EXOC6B: variants seen among roughly 807,000 people sequenced by gnomAD.
EXOC6B encodes SEC15 homolog B.
Under a neutral mutation model 113.5 loss-of-function variants are expected in EXOC6B, and 54 were observed. That is an observed-to-expected ratio of 0.48 (90% CI 0.38 to 0.60). The LOEUF is 0.60. EXOC6B is among the 20% of genes least tolerant of loss of function. The probability of loss-of-function intolerance (pLI) is 0.00; values close to 1 mark genes in which losing one functional copy is unlikely to be tolerated. For synonymous variants in EXOC6B, 357 were observed against 339.0 expected, an observed-to-expected ratio of 1.05 and a Z score of -0.58; for missense variants, 797 against 977.5, an observed-to-expected ratio of 0.82 and a Z score of 2.46.
intron 8 of EXOC6B, among the ~76,000 whole-genome samples, chr2:72,536,695 A>G (rs927031728): frequency 1.3e-5 from 2 of 152,228 alleles, no homozygotes; most frequent in African/African-American, 2.4e-5. Context: ...TTGTAGAAAT[A>G]TAAGAGAGCT....
chr2:72,784,418 G>A (rs186455081), intron 1 of EXOC6B, among the ~76,000 whole-genome samples: 2 of 152,232 alleles, frequency 1.3e-5, no homozygotes, highest in Admixed American at 1.3e-4. Context: ...CATTGAATCT[G>A]TAGATTGTTT....
intron 6 of EXOC6B, among the ~76,000 whole-genome samples, chr2:72,701,118 TG>T (rs1276991138): frequency 1.3e-5 from 2 of 151,700 alleles, no homozygotes; most frequent in Non-Finnish European, 2.9e-5. Flanking sequence ...CTGAGGAAGG[TG>T]GATCATGAGG....
rs1392712257 is a variant in EXOC6B at position 72,179,124 on chromosome 2, GA to G, written c.*210del. On this transcript the variant is annotated 3_prime_UTR_variant, in exon 22 of 22. Coordinates refer to ENST00000272427, the MANE Select transcript of EXOC6B (RefSeq NM_015189.3). Reference sequence around the variant, plus strand: ...AGATAGTGTAGTAATAACTTCCCCTGAGTCCCAGCCTAGCAACATCTCATGT... The same window carrying G: ...AGATAGTGTAGTAATAACTTCCCCTGGTCCCAGCCTAGCAACATCTCATGT... 1.9e-6 allele frequency: 1 copy of G among 536,454 alleles called. No individual in the cohort carries two copies. The highest frequency in any genetic ancestry group is 3.3e-5 in the East Asian group (1 of 30,522). The allele number at this position is 536,454 out of a possible 1,614,324, so 33.2% of individuals were successfully genotyped here. A position where few individuals can be genotyped will look rare whatever the true frequency, so the allele number is the denominator to read the frequency against.
intron 19 of EXOC6B, among the ~76,000 whole-genome samples, chr2:72,344,649 A>G (rs1393447001): frequency 6.6e-6 from 1 of 152,164 alleles, no homozygotes; most frequent in Non-Finnish European, 1.5e-5. Context: ...TGTCTATGGC[A>G]AGGATCAGCC....
At chr2:72,254,666 T>C (rs1683243021) in intron 20 of EXOC6B, among the ~76,000 whole-genome samples, 1 of 152,168 alleles carries the variant, frequency 6.6e-6, no homozygotes, top group Non-Finnish European at 1.5e-5. Context: ...CGGCAAGTGA[T>C]AGAAAAAGCC....
chr2:72,345,335 C>A (rs1439297900), intron 19 of EXOC6B, among the ~76,000 whole-genome samples: 1 of 152,078 alleles, frequency 6.6e-6, no homozygotes, highest in Non-Finnish European at 1.5e-5. Context: ...CTTGGTATTA[C>A]TCAAATGAGT....
At chr2:72,753,532 A>T (rs1356140639) in intron 1 of EXOC6B, among the ~76,000 whole-genome samples, 1 of 151,900 alleles carries the variant, frequency 6.6e-6, no homozygotes, top group Non-Finnish European at 1.5e-5. Context: ...TGTTTTTATC[A>T]CTTTCCCCTT....
intron 18 of EXOC6B, among the ~76,000 whole-genome samples, chr2:72,440,959 G>C (rs574174403): frequency 6.6e-6 from 1 of 152,202 alleles, no homozygotes; most frequent in East Asian, 1.9e-4. Context: ...CAATGGTAAA[G>C]AGTATATTTT....
intron 18 of EXOC6B, among the ~76,000 whole-genome samples, chr2:72,440,287 G>T (rs1454530113): frequency 6.6e-6 from 1 of 152,156 alleles, no homozygotes; most frequent in Admixed American, 6.5e-5. Flanking sequence ...AAATGTTAAG[G>T]ACAGTGAGAA....
intron 8 of EXOC6B, among the ~76,000 whole-genome samples, chr2:72,543,135 T>C (rs918569366): frequency 6.6e-6 from 1 of 151,852 alleles, no homozygotes; most frequent in Non-Finnish European, 1.5e-5. Flanking sequence ...GCACATGGAG[T>C]ATGGTGTATC....
chr2:72,286,508 AGAGGTGGAGTACAG>A (rs1685431341), intron 20 of EXOC6B, among the ~76,000 whole-genome samples: 1 of 152,212 alleles, frequency 6.6e-6, no homozygotes, highest in Admixed American at 6.5e-5. Flanking sequence ...AAGGGAATGA[AGAGGTGGAGTACAG>A]AGGATTTTAG....
intron 6 of EXOC6B, among the ~76,000 whole-genome samples, chr2:72,632,690 T>G (rs1019187687): frequency 2.6e-5 from 4 of 152,040 alleles, no homozygotes; most frequent in Admixed American, 1.3e-4. Flanking sequence ...TCTCTCAATT[T>G]TTTTTTATTT....
intron 13 of EXOC6B, among the ~76,000 whole-genome samples, chr2:72,498,190 A>G (rs1700134929): frequency 6.6e-6 from 1 of 152,222 alleles, no homozygotes; most frequent in Non-Finnish European, 1.5e-5. Context: ...TCTGATATTT[A>G]TCGAAGGAAA....
chr2:72,460,189 T>A (rs1032502803), intron 18 of EXOC6B, among the ~76,000 whole-genome samples: 3 of 152,046 alleles, frequency 2.0e-5, no homozygotes, highest in African/African-American at 7.2e-5. Flanking sequence ...TCCTTACACC[T>A]TATACAAAAA....
chr2:72,362,519 T>C (rs1690378281), intron 19 of EXOC6B, among the ~76,000 whole-genome samples: 1 of 152,164 alleles, frequency 6.6e-6, no homozygotes, highest in South Asian at 2.1e-4. Context: ...ATTTTATATA[T>C]ATTATCTCAT....
At chr2:72,491,117 G>A (rs1314933527) in intron 16 of EXOC6B, among the ~76,000 whole-genome samples, 1 of 152,096 alleles carries the variant, frequency 6.6e-6, no homozygotes, top group Non-Finnish European at 1.5e-5. Flanking sequence ...TATAAAGGAG[G>A]TTAGCTATTT....
intron 1 of EXOC6B, among the ~76,000 whole-genome samples, chr2:72,743,973 C>T (rs891591474): frequency 6.6e-6 from 1 of 152,102 alleles, no homozygotes; most frequent in Non-Finnish European, 1.5e-5. Context: ...GGTGGTCCCA[C>T]TGTATTATCT....
At chr2:72,528,360 T>A (rs1701836310) in intron 8 of EXOC6B, among the ~76,000 whole-genome samples, 1 of 152,086 alleles carries the variant, frequency 6.6e-6, no homozygotes, top group Admixed American at 6.6e-5. Flanking sequence ...TTTTTGTGAA[T>A]CTATTCCTGG....
chr2:72,574,760 C>G (rs1299665759), intron 7 of EXOC6B, among the ~76,000 whole-genome samples: 1 of 152,126 alleles, frequency 6.6e-6, no homozygotes, highest in Non-Finnish European at 1.5e-5. Flanking sequence ...AAACACCACA[C>G]TCACAAAGAG....
Sources: allele counts gnomAD v4.1 joint callset (sites outside exome capture counted in the v4.1 genomes callset), GRCh38; gene constraint gnomAD v4.1.1; transcripts MANE v1.5; gene names NCBI Gene and HGNC (gene_info 2026-07-23, HGNC 2026-07-21).